Variants in RFTN1 observed in about 807,000 individuals in gnomAD.
RFTN1 encodes raftlin, lipid raft linker 1.
In RFTN1, 26 loss-of-function variants were observed where a neutral mutation model predicts 46.5. That is an observed-to-expected ratio of 0.56 (90% CI 0.41 to 0.78). RFTN1 has a LOEUF of 0.78. Ranked by LOEUF, RFTN1 falls within the 30% of genes least tolerant of loss-of-function variation. The pLI is 0.00. For synonymous variants in RFTN1, 261 were observed against 284.2 expected, an observed-to-expected ratio of 0.92 and a Z score of 0.82; for missense variants, 693 against 718.7, an observed-to-expected ratio of 0.96 and a Z score of 0.41.
At chr3:16,339,430 C>G (rs1559835392) in intron 7 of RFTN1, 1 of 152,204 alleles carries the variant, frequency 6.6e-6, no homozygotes, top group Non-Finnish European at 1.5e-5. Context: ...CAGGACACAT[C>G]AGACATCTGG....
In RFTN1 at chr3:16,442,433, AT is replaced by A. The variant is rs2075645261; in HGVS notation, c.146-8397del. On this transcript the variant is annotated intron_variant, in intron 2 of 9. Coordinates refer to ENST00000334133, the MANE Select transcript of RFTN1 (RefSeq NM_015150.2). This position sits in a 1 kb window ranked among gnomAD's most constrained non-coding sequence, Gnocchi z 4.1. ...TAACATGCTTTCACAAAAAAAAACTATTCTTTTTTTAAATTTTAATGGATTT... is the reference window on the plus strand; with the variant it reads ...TAACATGCTTTCACAAAAAAAAACTATCTTTTTTTAAATTTTAATGGATTT... 6.6e-6 allele frequency among the ~76,000 whole-genome samples: 1 copy of A among 152,088 alleles called. No homozygotes were observed. The highest frequency in any genetic ancestry group is 1.5e-5 in the Non-Finnish European group (1 of 68,014).
chr3:16,354,777 G>T (rs1173146323), intron 7 of RFTN1, among the ~76,000 whole-genome samples: 2 of 152,158 alleles, frequency 1.3e-5, no homozygotes, highest in Non-Finnish European at 2.9e-5. Flanking sequence ...TTTTCAGTTT[G>T]TTTCTCTCTT....
chr3:16,450,838 G>T lies in RFTN1; in HGVS notation c.146-16801C>A, dbSNP rs1559353985. Among the ~76,000 whole-genome samples the T allele has an allele frequency of 6.6e-6, 1 of 152,062 alleles. No homozygotes were observed. The highest frequency in any genetic ancestry group is 1.5e-5 in the Non-Finnish European group (1 of 67,990). ...AAAGAGATGGCTGGGAGATGAGGGA[G>T]AGGGATGGCAAAGACAGCTCCTAGG... is the stretch of plus-strand genomic sequence containing the variant. On this transcript the variant is annotated intron_variant, in intron 2 of 9. Transcript: ENST00000334133. The surrounding 1 kb of genome is among the most constrained non-coding windows in gnomAD (Gnocchi z 4.6).
rs370332535 is a variant in RFTN1, at chr3:16,346,662, A to T, written c.1146+11270T>A. 2.0e-5 allele frequency among the ~76,000 whole-genome samples: 3 copies of T among 152,334 alleles called. No individual in the cohort carries two copies. The highest frequency in any genetic ancestry group is 2.4e-5 in the African/African-American group (1 of 41,584). The stretch of plus-strand genomic sequence containing the variant: ...TGGGTCTGTGACTCAGTCCTGGCCA[A>T]TGAGACCTGAGGAAATCTCTGTTGT... On this transcript the variant is annotated intron_variant, in intron 7 of 9. Transcript: ENST00000334133. The surrounding 1 kb of genome is among the most constrained non-coding windows in gnomAD (Gnocchi z 4.4).
In RFTN1 at chr3:16,512,674, CG is replaced by C. The variant is rs2076921445; in HGVS notation, c.-9+767del. 1.3e-5 allele frequency: 2 copies of C among 152,500 alleles called. No individual in the cohort carries two copies. The highest frequency in any genetic ancestry group is 4.8e-5 in the African/African-American group (2 of 41,456). 9.4% of individuals were successfully genotyped at this position (152,500 alleles called of 1,614,324 possible). A position where few individuals can be genotyped will look rare whatever the true frequency, so the allele number is the denominator to read the frequency against. On this transcript the variant is annotated intron_variant, in intron 1 of 9. Transcript: ENST00000334133. The surrounding 1 kb of genome is among the most constrained non-coding windows in gnomAD (Gnocchi z 4.3). Reference sequence around the variant, plus strand: ...GGACTGGGGTGCGCGTGCCTGACAACGGGGCTTCCCGAAATACACAACCACC... The same window carrying C: ...GGACTGGGGTGCGCGTGCCTGACAACGGGCTTCCCGAAATACACAACCACC...
At chr3:16,478,237 T>G (rs2076314643) in intron 2 of RFTN1, among the ~76,000 whole-genome samples, 1 of 152,230 alleles carries the variant, frequency 6.6e-6, no homozygotes, top group African/African-American at 2.4e-5. Flanking sequence ...ATACTCACTG[T>G]GACACAGACT....
chr3:16,340,965 CAACA>C (rs1286177057), intron 7 of RFTN1, among the ~76,000 whole-genome samples: 1 of 152,120 alleles, frequency 6.6e-6, no homozygotes, highest in Non-Finnish European at 1.5e-5. Context: ...AACAATAAGA[CAACA>C]AACAACCCAA....
At position 16,322,076 on chromosome 3, in the gene RFTN1, C is replaced by T. The variant is rs578097008; in HGVS notation, c.1332+1300G>A. On this transcript the variant is annotated intron_variant, in intron 9 of 9. Coordinates refer to ENST00000334133, the MANE Select transcript of RFTN1 (RefSeq NM_015150.2). This position sits in a 1 kb window ranked among gnomAD's most constrained non-coding sequence, Gnocchi z 6.2. The stretch of plus-strand genomic sequence containing the variant: ...TTTGCGTGCTGTGTGTTGAATGTTG[C>T]ACTTGCTGAATGCATGCAGTTCCCG... Among the ~76,000 whole-genome samples the T allele has an allele frequency of 6.6e-6, 1 of 152,334 alleles. No homozygotes were observed. The highest frequency in any genetic ancestry group is 6.5e-5 in the Admixed American group (1 of 15,298).
In RFTN1 at chr3:16,338,141, G is replaced by C. The variant is rs759329979; in HGVS notation, c.1147-11265C>G. On this transcript the variant is annotated intron_variant, in intron 7 of 9. Transcript: ENST00000334133. This position sits in a 1 kb window ranked among gnomAD's most constrained non-coding sequence, Gnocchi z 5.3. ...TGGGTGATCTGGTCCTGGTACATGC[G>C]GTTTCTCTAACGTCAGTTACTTGGA... Among the ~76,000 whole-genome samples the C allele has an allele frequency of 6.6e-6, 1 of 152,202 alleles. No homozygotes were observed. The highest frequency in any genetic ancestry group is 2.4e-5 in the African/African-American group (1 of 41,446).
chr3:16,336,354 C>G lies in RFTN1; in HGVS notation c.1147-9478G>C, dbSNP rs1477018889. ...GGGAGAACAAGCACATGGTTCCCAT[C>G]CAGTGGAGCCCATGGAGGTGAGGTG... On this transcript the variant is annotated intron_variant, in intron 7 of 9. Transcript: ENST00000334133. This position sits in a 1 kb window ranked among gnomAD's most constrained non-coding sequence, Gnocchi z 6.0. 6.6e-6 allele frequency among the ~76,000 whole-genome samples: 1 copy of G among 152,110 alleles called. No homozygotes were observed. The highest frequency in any genetic ancestry group is 1.5e-5 in the Non-Finnish European group (1 of 68,012).
Position 16,424,699 on chromosome 3 carries a change from CTT to C in RFTN1, c.332+9150_332+9151del, listed in dbSNP as rs561181991. Among the ~76,000 whole-genome samples, 6 of 152,290 alleles carry C rather than the reference CTT, an allele frequency of 3.9e-5. No individual in the cohort carries two copies. In the South Asian group the frequency reaches 1.2e-3, roughly 32 times the overall value. On this transcript the variant is annotated intron_variant, in intron 3 of 9. Coordinates refer to ENST00000334133, the MANE Select transcript of RFTN1 (RefSeq NM_015150.2). This position sits in a 1 kb window ranked among gnomAD's most constrained non-coding sequence, Gnocchi z 4.7. Reference sequence around the variant, plus strand: ...TATAGCATCTTTATAGCATTTACCTCTTTGTAAATGGTTCCATCTTTCAATCA... The same window carrying C: ...TATAGCATCTTTATAGCATTTACCTCTGTAAATGGTTCCATCTTTCAATCA...
chr3:16,508,692 G>A (rs1009764114), intron 1 of RFTN1, among the ~76,000 whole-genome samples: 22 of 87,700 alleles, frequency 2.5e-4, no homozygotes, highest in African/African-American at 6.4e-4. Flanking sequence ...AAGATCACAC[G>A]CACGCACACA....
intron 2 of RFTN1, among the ~76,000 whole-genome samples, chr3:16,485,010 G>A (rs1469499066): frequency 6.6e-6 from 1 of 152,200 alleles, no homozygotes; most frequent in Admixed American, 6.5e-5. Flanking sequence ...CTCATACATT[G>A]TTGTTGGAAA....
chr3:16,359,568 G>A (rs1228347564), intron 6 of RFTN1, among the ~76,000 whole-genome samples: 2 of 152,136 alleles, frequency 1.3e-5, no homozygotes, highest in African/African-American at 4.8e-5. Context: ...GCCACGTGAG[G>A]ACACAGCAGG....
At chr3:16,477,749 C>A (rs2076305600) in intron 2 of RFTN1, among the ~76,000 whole-genome samples, 1 of 152,186 alleles carries the variant, frequency 6.6e-6, no homozygotes, top group Admixed American at 6.5e-5. Flanking sequence ...GAAGGCTAAC[C>A]ACAGGACATT....
chr3:16,353,572 G>A lies in RFTN1; in HGVS notation c.1146+4360C>T, dbSNP rs753788686. On this transcript the variant is annotated intron_variant, in intron 7 of 9. Coordinates refer to ENST00000334133, the MANE Select transcript of RFTN1 (RefSeq NM_015150.2). The surrounding 1 kb of genome is among the most constrained non-coding windows in gnomAD (Gnocchi z 5.4). ...GCCCCATCTCAGAGCCACCGTTAAA[G>A]ACTAAATGTTTTCTATCCTCCCACA... Among the ~76,000 whole-genome samples the A allele has an allele frequency of 3.3e-5, 5 of 152,178 alleles. No individual in the cohort carries two copies. The highest frequency in any genetic ancestry group is 1.2e-4 in the African/African-American group (5 of 41,448).
chr3:16,438,937 T>C (rs2075568984), intron 2 of RFTN1, among the ~76,000 whole-genome samples: 1 of 152,162 alleles, frequency 6.6e-6, no homozygotes, highest in Non-Finnish European at 1.5e-5. Flanking sequence ...GCACTAAAAA[T>C]GTTAGTCAAT....
In RFTN1 at chr3:16,317,751, G is replaced by T. The variant is rs192290078; in HGVS notation, c.1333-519C>A. Among the ~76,000 whole-genome samples, 30 of 144,654 alleles carry T rather than the reference G, an allele frequency of 2.1e-4. No individual in the cohort carries two copies. In the East Asian group the frequency reaches 5.7e-3, roughly 27 times the overall value. 94.9% of individuals were successfully genotyped at this position (144,654 alleles called of 152,430 possible). ...GCTCAGATCCCCCCACAGGACTGGC[G>T]GGCCCGCTCCCCAGCTAGGCCGATA... is the stretch of plus-strand genomic sequence containing the variant. On this transcript the variant is annotated intron_variant, in intron 9 of 9. Coordinates refer to ENST00000334133, the MANE Select transcript of RFTN1 (RefSeq NM_015150.2). The surrounding 1 kb of genome is among the most constrained non-coding windows in gnomAD (Gnocchi z 4.3).
rs983457781 is a variant in RFTN1 at position 16,345,575 on chromosome 3, G to A, written c.1146+12357C>T. 2.6e-5 allele frequency among the ~76,000 whole-genome samples: 4 copies of A among 152,158 alleles called. No individual in the cohort carries two copies. The highest frequency in any genetic ancestry group is 4.8e-5 in the African/African-American group (2 of 41,490). On this transcript the variant is annotated intron_variant, in intron 7 of 9. Transcript: ENST00000334133. The surrounding 1 kb of genome is among the most constrained non-coding windows in gnomAD (Gnocchi z 5.2). Reference sequence around the variant, plus strand: ...GGTGGAGGAAGGCTGAATTAACACCGCCTGACTGCTTGAACAGGAACGTCC... The same window carrying A: ...GGTGGAGGAAGGCTGAATTAACACCACCTGACTGCTTGAACAGGAACGTCC...
Sources: allele counts gnomAD v4.1 joint callset (sites outside exome capture counted in the v4.1 genomes callset), GRCh38; gene constraint gnomAD v4.1.1; non-coding constraint Gnocchi (gnomAD v3.1); transcripts MANE v1.5; gene names NCBI Gene and HGNC (gene_info 2026-07-23, HGNC 2026-07-21).